TSHZ2: variants seen among roughly 807,000 people sequenced by gnomAD.
The protein encoded by TSHZ2 is teashirt homolog 2.
TSHZ2 carries 21 observed loss-of-function variants against 74.4 expected under a neutral mutation model. The observed-to-expected ratio is 0.28, with a 90% CI of 0.20 to 0.41. The LOEUF is 0.41. TSHZ2 is among the 10% of genes least tolerant of loss of function. The pLI is 1.00. For synonymous variants in TSHZ2, 540 were observed against 515.3 expected, an observed-to-expected ratio of 1.05 and a Z score of -0.65; for missense variants, 1,244 against 1,293.5, an observed-to-expected ratio of 0.96 and a Z score of 0.59.
intron 2 of TSHZ2, among the ~76,000 whole-genome samples, chr20:53,482,504 G>T (rs535733427): frequency 6.6e-6 from 1 of 152,294 alleles, no homozygotes; most frequent in East Asian, 1.9e-4. Flanking sequence ...AACTTCCTTG[G>T]TTTTCACACA....
At chr20:53,008,669 TAAG>T (rs769876760) in intron 1 of TSHZ2, among the ~76,000 whole-genome samples, 2 of 151,764 alleles carry the variant, frequency 1.3e-5, no homozygotes, top group Non-Finnish European at 2.9e-5. Context: ...GCTGATATAA[TAAG>T]GAGTTTGAGG....
At chr20:53,281,826 G>A (rs973321371) in intron 2 of TSHZ2, among the ~76,000 whole-genome samples, 1 of 152,176 alleles carries the variant, frequency 6.6e-6, no homozygotes, top group African/African-American at 2.4e-5. Flanking sequence ...CTGTAAGCAA[G>A]GGCTGGGCTA....
chr20:53,189,425 TTC>T (rs1206985879), intron 1 of TSHZ2, among the ~76,000 whole-genome samples: 2 of 152,234 alleles, frequency 1.3e-5, no homozygotes, highest in Middle Eastern at 3.2e-3. Context: ...CACCTGATTT[TTC>T]TGTTTGCTTG....
intron 1 of TSHZ2, among the ~76,000 whole-genome samples, chr20:53,151,866 C>T (rs887214150): frequency 2.0e-5 from 3 of 152,082 alleles, no homozygotes; most frequent in African/African-American, 4.8e-5. Context: ...TGAGATGAAG[C>T]ATGATATATA....
At chr20:53,262,236 A>G (rs772656333) in intron 2 of TSHZ2, among the ~76,000 whole-genome samples, 2 of 150,252 alleles carry the variant, frequency 1.3e-5, no homozygotes, top group Non-Finnish European at 3.0e-5. Flanking sequence ...TTTTTTAACT[A>G]TCAAGTTTAA....
At chr20:53,101,216 T>A (rs1301303033) in intron 1 of TSHZ2, among the ~76,000 whole-genome samples, 1 of 152,180 alleles carries the variant, frequency 6.6e-6, no homozygotes, top group Non-Finnish European at 1.5e-5. Flanking sequence ...ATCCAAAGAT[T>A]CCCATTAACT....
chr20:52,988,663 GA>G (rs1981862521), intron 1 of TSHZ2, among the ~76,000 whole-genome samples: 1 of 150,880 alleles, frequency 6.6e-6, no homozygotes, highest in Admixed American at 6.6e-5. Context: ...AGCCTATGAA[GA>G]AAAAGAATAA....
intron 2 of TSHZ2, among the ~76,000 whole-genome samples, chr20:53,383,551 T>TGAAATCAA (rs1269810010): frequency 3.9e-5 from 6 of 151,904 alleles, no homozygotes; most frequent in African/African-American, 1.4e-4. Flanking sequence ...CTTGAGGCCA[T>TGAAATCAA]GAAATCAAGA....
intron 1 of TSHZ2, among the ~76,000 whole-genome samples, chr20:53,242,303 G>A (rs1024336973): frequency 1.2e-4 from 18 of 152,002 alleles, no homozygotes; most frequent in African/African-American, 3.9e-4. Context: ...TGTCCCCTGG[G>A]GAACAAAAAC....
intron 1 of TSHZ2, among the ~76,000 whole-genome samples, chr20:53,199,220 G>T (rs1988942353): frequency 6.6e-6 from 1 of 152,172 alleles, no homozygotes; most frequent in Non-Finnish European, 1.5e-5. Context: ...ACATGTGGCT[G>T]GGAGCAGTGG....
intron 2 of TSHZ2, among the ~76,000 whole-genome samples, chr20:53,457,510 A>T (rs1159082400): frequency 7.9e-6 from 1 of 127,144 alleles, no homozygotes; most frequent in Non-Finnish European, 1.6e-5. Flanking sequence ...GCAAACAGGG[A>T]CAATTTGACT....
rs1348092311 is a variant in TSHZ2, at chr20:53,469,760, G to GAGAA, written c.*9-17381_*9-17380insAAGA. On this transcript the variant is annotated intron_variant, in intron 2 of 2. Transcript: ENST00000371497. ...AGGAAGGAAGGACCCAAGAAAGATA[G>GAGAA]AGAGGGAGGAAGGGAGGGAGGGAGG... Among the ~76,000 whole-genome samples the GAGAA allele has an allele frequency of 3.9e-3, 211 of 53,912 alleles. 11 individuals are homozygous for GAGAA. Among genetic ancestry groups the GAGAA allele is most frequent in the Non-Finnish European group, 5.7e-3 (153 of 26,612 alleles). 35.4% of individuals were successfully genotyped at this position (53,912 alleles called of 152,430 possible).
chr20:53,355,854 A>C (rs1213873710), intron 2 of TSHZ2, among the ~76,000 whole-genome samples: 3 of 152,258 alleles, frequency 2.0e-5, no homozygotes, highest in African/African-American at 7.2e-5. Context: ...ATTTGAACTG[A>C]CATAGGACTT....
At chr20:53,314,839 C>G (rs1978935204) in intron 2 of TSHZ2, among the ~76,000 whole-genome samples, 1 of 152,114 alleles carries the variant, frequency 6.6e-6, no homozygotes, top group African/African-American at 2.4e-5. Flanking sequence ...CCAGGCTGGT[C>G]TTGAACTCCT....
At chr20:52,986,938 A>G (rs572943856) in intron 1 of TSHZ2, among the ~76,000 whole-genome samples, 1 of 151,764 alleles carries the variant, frequency 6.6e-6, no homozygotes, top group Admixed American at 6.6e-5. Context: ...GTGTGTGTGT[A>G]TGTAGGGGAA....
At chr20:53,079,586 T>C (rs1021819172) in intron 1 of TSHZ2, among the ~76,000 whole-genome samples, 17 of 152,152 alleles carry the variant, frequency 1.1e-4, no homozygotes, top group African/African-American at 4.1e-4. Context: ...TTCCAAGGCT[T>C]TGGTCTGAGC....
chr20:53,295,646 A>C (rs1991362570), intron 2 of TSHZ2, among the ~76,000 whole-genome samples: 1 of 152,220 alleles, frequency 6.6e-6, no homozygotes, highest in Non-Finnish European at 1.5e-5. Flanking sequence ...AGTATAACTT[A>C]ACAAAAAAAG....
intron 1 of TSHZ2, among the ~76,000 whole-genome samples, chr20:53,037,782 G>C (rs1983874500): frequency 6.6e-6 from 1 of 152,170 alleles, no homozygotes; most frequent in Non-Finnish European, 1.5e-5. Flanking sequence ...CTGGGTGCTG[G>C]GGCAGGGCCG....
At chr20:53,379,211 G>A (rs994187278) in intron 2 of TSHZ2, among the ~76,000 whole-genome samples, 8 of 151,994 alleles carry the variant, frequency 5.3e-5, no homozygotes, top group Non-Finnish European at 1.2e-4. Context: ...GCGAAACCCC[G>A]TCTCTATAAA....
Sources: allele counts gnomAD v4.1 joint callset (sites outside exome capture counted in the v4.1 genomes callset), GRCh38; gene constraint gnomAD v4.1.1; transcripts MANE v1.5; gene names NCBI Gene and HGNC (gene_info 2026-07-23, HGNC 2026-07-21).